The following MN1 variants were observed in gnomAD, a reference collection of about 807,000 sequenced individuals.
MN1 encodes the protein transcriptional activator MN1.
In MN1, 19 loss-of-function variants were observed where a neutral mutation model predicts 86.9. The ratio of observed to expected loss-of-function variants is 0.22; its 90% CI spans 0.15 to 0.32. The LOEUF (loss-of-function observed/expected upper bound fraction) is 0.32, where lower values mean the gene tolerates loss of function less well. MN1 is among the 10% of genes least tolerant of loss of function. MN1 has a pLI of 1.00. For synonymous variants in MN1, 928 were observed against 849.6 expected (o/e 1.09, Z -1.60); for missense variants, 1,841 against 1,862.0 (o/e 0.99, Z 0.21).
In MN1 at chr22:27,799,003, T is replaced by C; in HGVS notation, c.1541A>G (p.His514Arg). 1.2e-6 allele frequency: 2 copies of C among 1,610,324 alleles called. No homozygotes were observed. The highest frequency in any genetic ancestry group is 8.5e-7 in the Non-Finnish European group (1 of 1,178,862). Residue 514 changes from histidine to arginine, a missense_variant, in exon 1 of 2, where the codon CAT becomes CGT. Physicochemically the swap from His to Arg is conservative, Grantham distance 29. Coordinates refer to ENST00000302326, the MANE Select transcript of MN1 (RefSeq NM_002430.3). ...CAGGGACTGGTGGTCCGGGGCCGGA[T>C]GCTGCAGGGGCGGCCCCGAAGGGAA... is the stretch of plus-strand genomic sequence containing the variant. ...DSFPSGPPLQ[H>R]PAPDHQSLQQ... is the part of the protein sequence containing the mutation.
At chr22:27,768,722 C>CT (rs1361819542) in intron 1 of MN1, among the ~76,000 whole-genome samples, 1 of 152,202 alleles carries the variant, frequency 6.6e-6, no homozygotes, top group African/African-American at 2.4e-5. Context: ...AGGAGGATCA[C>CT]TTGAGCCCAG....
At chr22:27,775,468 A>G (rs1201606746) in intron 1 of MN1, among the ~76,000 whole-genome samples, 1 of 152,048 alleles carries the variant, frequency 6.6e-6, no homozygotes, top group Non-Finnish European at 1.5e-5. Flanking sequence ...CGTTTTCCCC[A>G]TCTGTAAATG....
In MN1 at chr22:27,800,326, C is replaced by G; in HGVS notation, c.218G>C (p.Arg73Pro). The change falls in exon 1 of 2, where the codon CGC (arginine) becomes CCC (proline). Residue 73 changes from arginine (R) to proline (P), a missense_variant. Arg to Pro is a moderately radical substitution (Grantham distance 103). Coordinates refer to ENST00000302326, the MANE Select transcript of MN1 (RefSeq NM_002430.3). ...MNMEPYGFHA[R>P]GHSELHAGGL... ...CCCTGCGTGCAACTCCGAGTGGCCG[C>G]GCGCGTGGAAGCCGTAGGGCTCCAT... 1.9e-6 allele frequency: 3 copies of G among 1,582,764 alleles called. No individual in the cohort carries two copies. The highest frequency in any genetic ancestry group is 2.6e-6 in the Non-Finnish European group (3 of 1,163,428).
intron 1 of MN1, among the ~76,000 whole-genome samples, chr22:27,770,140 T>A (rs1932901973): frequency 6.6e-6 from 1 of 152,194 alleles, no homozygotes; most frequent in Non-Finnish European, 1.5e-5. Flanking sequence ...CCAAGCTTCA[T>A]CTTACAACCT....
chr22:27,798,723 G>C lies in MN1; in HGVS notation c.1821C>G (p.Gly607=). The change falls in exon 1 of 2, where the codon GGC becomes GGG. Residue 607 remains glycine, a synonymous_variant. Coordinates refer to ENST00000302326, the MANE Select transcript of MN1 (RefSeq NM_002430.3). The part of the protein sequence containing the change: ...GLAQPNFERE[G]GSTGAGRLGT... ...CCAGACGCCCGGCGCCCGTGCTGCC[G>C]CCTTCGCGCTCAAAGTTCGGCTGGG... The C allele has an allele frequency of 6.5e-7, 1 of 1,535,384 alleles. No homozygotes were observed. Among genetic ancestry groups the C allele is most frequent in the South Asian group, 1.2e-5 (1 of 83,990 alleles).
chr22:27,796,004 T>C lies in MN1; in HGVS notation c.3781+759A>G, dbSNP rs185348470. The stretch of plus-strand genomic sequence containing the variant: ...ACGGATCCTTTGTGTCTTAAGAGTA[T>C]ATATCCATATCCCCATACACAAATG... On this transcript the variant is annotated intron_variant, in intron 1 of 1. Transcript: ENST00000302326. Among the ~76,000 whole-genome samples the C allele has an allele frequency of 2.2e-3, 330 of 152,124 alleles. 1 individual carries two copies. The highest frequency in any genetic ancestry group is 3.7e-3 in the Non-Finnish European group (255 of 68,002).
chr22:27,798,636 A>G lies in MN1; in HGVS notation c.1908T>C (p.His636=). Residue 636 remains histidine, a synonymous_variant, in exon 1 of 2, where the codon CAT becomes CAC. Coordinates refer to ENST00000302326, the MANE Select transcript of MN1 (RefSeq NM_002430.3). ...AQESAWFSGP[H]PPPGDLLPRR... ...GGGGCAGCAGGTCTCCGGGCGGCGGATGCGGACCTGAGAACCACGCGCTCT... is the reference window on the plus strand; with the variant it reads ...GGGGCAGCAGGTCTCCGGGCGGCGGGTGCGGACCTGAGAACCACGCGCTCT... 1 of 1,561,848 alleles carries G rather than the reference A, an allele frequency of 6.4e-7. No homozygotes were observed. Among genetic ancestry groups the G allele is most frequent in the African/African-American group, 1.4e-5 (1 of 73,862 alleles).
At position 27,800,420 on chromosome 22, in the gene MN1, C is replaced by G; in HGVS notation, c.124G>C (p.Gly42Arg). The part of the protein sequence containing the change: ...THFKAPAFHT[G>R]GPPGPVDPAM... ...GGATCCACAGGGCCAGGGGGCCCCCCAGTGTGGAAAGCCGGGGCCTTAAAG... is the reference window on the plus strand; with the variant it reads ...GGATCCACAGGGCCAGGGGGCCCCCGAGTGTGGAAAGCCGGGGCCTTAAAG... The change falls in exon 1 of 2, where the codon GGG becomes CGG. Residue 42 changes from glycine (G) to arginine (R), a missense_variant. Transcript: ENST00000302326. 6.2e-7 allele frequency: 1 copy of G among 1,614,178 alleles called. No homozygotes were observed. The highest frequency in any genetic ancestry group is 1.1e-5 in the South Asian group (1 of 91,088).
At chr22:27,754,765 G>A (rs370299530) in intron 1 of MN1, among the ~76,000 whole-genome samples, 5 of 152,216 alleles carry the variant, frequency 3.3e-5, no homozygotes, top group East Asian at 1.9e-4. Flanking sequence ...CGGTAAGCAC[G>A]CCAGCCCCCA....
At chr22:27,772,585 TG>T (rs1932928134) in intron 1 of MN1, among the ~76,000 whole-genome samples, 1 of 152,118 alleles carries the variant, frequency 6.6e-6, no homozygotes, top group Admixed American at 6.5e-5. Flanking sequence ...AAGACAACCC[TG>T]CAGGTGCAGA....
chr22:27,787,708 G>T (rs1933153489), intron 1 of MN1, among the ~76,000 whole-genome samples: 1 of 152,120 alleles, frequency 6.6e-6, no homozygotes, highest in South Asian at 2.1e-4. Context: ...CCAGGGGAAA[G>T]GTCACTCCCT....
rs527697081 is a variant in MN1 at position 27,796,580 on chromosome 22, G to T, written c.3781+183C>A. Among the ~76,000 whole-genome samples the T allele has an allele frequency of 4.7e-5, 7 of 149,628 alleles. No homozygotes were observed. In the East Asian group the frequency reaches 5.9e-4, roughly 13 times the overall value. ...TGTGGGGGGCTTGGGGGCAGTGTGT[G>T]TGGGGGGGTCTGTCCTCACAGCCCT... On this transcript the variant is annotated intron_variant, in intron 1 of 1. Transcript: ENST00000302326.
intron 1 of MN1, among the ~76,000 whole-genome samples, chr22:27,752,715 C>G (rs956282700): frequency 6.6e-6 from 1 of 152,146 alleles, no homozygotes; most frequent in Non-Finnish European, 1.5e-5. Flanking sequence ...AGAGTATGTC[C>G]AAGGTCACAC....
At chr22:27,768,946 T>A (rs1374856923) in intron 1 of MN1, among the ~76,000 whole-genome samples, 1 of 152,162 alleles carries the variant, frequency 6.6e-6, no homozygotes, top group East Asian at 1.9e-4. Flanking sequence ...TCCAGAAAGT[T>A]CTATGGGACA....
At chr22:27,760,425 A>G (rs1932827202) in intron 1 of MN1, among the ~76,000 whole-genome samples, 1 of 151,694 alleles carries the variant, frequency 6.6e-6, no homozygotes, top group Non-Finnish European at 1.5e-5. Context: ...AGGAGGATCT[A>G]TTGAGCCCAG....
rs1324941255 is a variant in MN1 at position 27,799,294 on chromosome 22, C to T, written c.1250G>A (p.Arg417Gln). The change falls in exon 1 of 2, where the codon CGG (arginine) becomes CAG (glutamine). Residue 417 changes from arginine to glutamine, a missense_variant. Coordinates refer to ENST00000302326, the MANE Select transcript of MN1 (RefSeq NM_002430.3). ...AGGCTCGGAATAAGGGTGCATGCTC[C>T]GGTTCTCCAGCCGGTGGATGGGATA... ...FEYPIHRLEN[R>Q]SMHPYSEPVF... The T allele has an allele frequency of 4.4e-6, 7 of 1,588,116 alleles. No homozygotes were observed. The highest frequency in any genetic ancestry group is 6.0e-6 in the Non-Finnish European group (7 of 1,167,388).
intron 1 of MN1, among the ~76,000 whole-genome samples, chr22:27,776,288 C>T (rs1344376601): frequency 2.6e-5 from 4 of 152,124 alleles, no homozygotes; most frequent in East Asian, 1.9e-4. Context: ...AGCTCAATCC[C>T]GTCTCGAGGA....
intron 1 of MN1, among the ~76,000 whole-genome samples, chr22:27,761,761 G>A (rs1000245608): frequency 4.6e-5 from 7 of 152,230 alleles, no homozygotes; most frequent in African/African-American, 1.4e-4. Context: ...GAGGCCTCGC[G>A]CCGGCCGCTG....
rs752881137 is a variant in MN1, at chr22:27,800,702, C to T, written c.-159G>A. On this transcript the variant is annotated 5_prime_UTR_variant, in exon 1 of 2. Transcript: ENST00000302326. ...CCTCCACCCCGCCTGATGTGAGGGA[C>T]GGGGGGCGGGGTATTAGCTCCTCTC... 6.1e-6 allele frequency: 5 copies of T among 813,154 alleles called. No homozygotes were observed. The highest frequency in any genetic ancestry group is 2.7e-5 in the East Asian group (1 of 37,284). The allele number at this position is 813,154 out of a possible 1,614,324, so 50.4% of individuals were successfully genotyped here.
Sources: gnomAD v4.1 joint callset for allele counts (sites outside exome capture counted in the v4.1 genomes callset) on GRCh38, gnomAD v4.1.1 for gene constraint, MANE v1.5 for transcripts, NCBI Gene and HGNC (gene_info 2026-07-23, HGNC 2026-07-21) for gene names.